The following C22orf42 variants were observed in gnomAD, a reference collection of about 807,000 sequenced individuals.
The protein encoded by C22orf42 is uncharacterized protein C22orf42.
C22orf42 carries 24 observed loss-of-function variants against 31.4 expected under a neutral mutation model. That is an observed-to-expected ratio of 0.77 (90% CI 0.55 to 1.08). The LOEUF (loss-of-function observed/expected upper bound fraction) is 1.08, where lower values mean the gene tolerates loss of function less well. C22orf42 is among the 50% of genes least tolerant of loss of function. The pLI is 0.00. For synonymous variants in C22orf42, 96 were observed against 112.7 expected, an observed-to-expected ratio of 0.85 and a Z score of 0.94; for missense variants, 276 against 327.3, an observed-to-expected ratio of 0.84 and a Z score of 1.21.
At chr22:32,152,433 C>T (rs1921013371) in intron 3 of C22orf42, 129 bp downstream of exon 3, 15 of 798,574 alleles carry the variant, frequency 1.9e-5, no homozygotes, top group East Asian at 1.6e-4. Context: ...CTCCAGTGAC[C>T]GGTCTCTAGA....
Position 32,149,228 on chromosome 22 carries a change from G to A in C22orf42, c.*312C>T, listed in dbSNP as rs2094107683. Reference sequence around the variant, plus strand: ...TTATCCAGGAAATACAGAAATATATGGATTCACTGTAGAAGCTGGACCCAG... The same window carrying A: ...TTATCCAGGAAATACAGAAATATATAGATTCACTGTAGAAGCTGGACCCAG... On this transcript the variant is annotated 3_prime_UTR_variant, in exon 9 of 9. Transcript: ENST00000382097. 1 of 183,528 alleles carries A rather than the reference G, an allele frequency of 5.4e-6. No individual in the cohort carries two copies. Among genetic ancestry groups the A allele is most frequent in the Non-Finnish European group, 1.1e-5 (1 of 87,832 alleles). The allele number at this position is 183,528 out of a possible 1,614,324, so 11.4% of individuals were successfully genotyped here.
Position 32,151,543 on chromosome 22 carries a change from C to T in C22orf42, c.409G>A (p.Glu137Lys). The T allele has an allele frequency of 1.2e-6, 2 of 1,613,810 alleles. No homozygotes were observed. The highest frequency in any genetic ancestry group is 1.7e-6 in the Non-Finnish European group (2 of 1,179,676). Residue 137 changes from glutamate to lysine, a missense_variant, in exon 5 of 9, where the codon GAA becomes AAA. Physicochemically the swap from Glu to Lys is moderately conservative, Grantham distance 56. Transcript: ENST00000382097. Reference sequence around the variant, plus strand: ...CCGTGTGCAGACACCTGCACATCTTCAGTGGGACCTAGGAGAACACAGAGT... The same window carrying T: ...CCGTGTGCAGACACCTGCACATCTTTAGTGGGACCTAGGAGAACACAGAGT... ...PEAKHDHRPT[E>K]DVQVSAHGGV...
At chr22:32,150,626 G>A in intron 6 of C22orf42, 147 bp from the exon 7 acceptor site, 2 of 757,056 alleles carry the variant, frequency 2.6e-6, no homozygotes, top group Admixed American at 2.6e-5. Flanking sequence ...TCTCCTTGGT[G>A]CTGAAGGAAG....
In C22orf42 at chr22:32,149,648, A is replaced by T. The variant is rs541455767; in HGVS notation, c.683-35T>A. 1,282 of 1,338,474 alleles carry T rather than the reference A, an allele frequency of 9.6e-4. 6 individuals carry two copies. The African/African-American group carries it at 0.013, about 13-fold the overall frequency. The allele number at this position is 1,338,474 out of a possible 1,614,324, so 82.9% of individuals were successfully genotyped here. Reference sequence around the variant, plus strand: ...AAGAACAAGACTTCATCTCAAAAAAAAAATATATATATATATATATCTACA... The same window carrying T: ...AAGAACAAGACTTCATCTCAAAAAATAAATATATATATATATATATCTACA... On this transcript the variant is annotated intron_variant, in intron 8 of 8. Coordinates refer to ENST00000382097, the MANE Select transcript of C22orf42 (RefSeq NM_001010859.3).
At chr22:32,157,966 C>A (rs1014748565) in intron 1 of C22orf42, among the ~76,000 whole-genome samples, 3 of 152,336 alleles carry the variant, frequency 2.0e-5, no homozygotes, top group African/African-American at 7.2e-5. Context: ...TGCAGGGGGG[C>A]GGGGGTTGTT....
chr22:32,151,367 G>A, intron 5 of C22orf42, 120 bp downstream of exon 5: 1 of 1,015,646 alleles, frequency 9.8e-7, no homozygotes, highest in Non-Finnish European at 1.5e-6. Flanking sequence ...CCGGTCGCTA[G>A]AGTCCATGAC....
intron 1 of C22orf42, 23 bp downstream of exon 1, chr22:32,158,961 A>T: frequency 1.9e-6 from 3 of 1,613,808 alleles, no homozygotes; most frequent in Non-Finnish European, 2.5e-6. Flanking sequence ...CCAGAGAGCA[A>T]ATGGCACCCA....
At chr22:32,158,598 T>A (rs1419320957) in intron 1 of C22orf42, among the ~76,000 whole-genome samples, 2 of 152,156 alleles carry the variant, frequency 1.3e-5, no homozygotes, top group Non-Finnish European at 2.9e-5. Flanking sequence ...CATATTTGAG[T>A]CTAAATTATC....
At chr22:32,153,122 G>A (rs1279928540) in intron 2 of C22orf42, among the ~76,000 whole-genome samples, 1 of 152,128 alleles carries the variant, frequency 6.6e-6, no homozygotes. Context: ...TACATTCAGG[G>A]TGCTGTGTCA....
Position 32,152,761 on chromosome 22 carries a change from C to T in C22orf42, c.308-135G>A. Reference sequence around the variant, plus strand: ...AGGCATGGACTGAGCTGCTGCTGGACCATTCTCCTTGGTGTTGAGGGAAGG... The same window carrying T: ...AGGCATGGACTGAGCTGCTGCTGGATCATTCTCCTTGGTGTTGAGGGAAGG... On this transcript the variant is annotated intron_variant, in intron 2 of 8. Coordinates refer to ENST00000382097, the MANE Select transcript of C22orf42 (RefSeq NM_001010859.3). The T allele has an allele frequency of 1.0e-5, 8 of 795,580 alleles. No individual in the cohort carries two copies. The South Asian group carries it at 1.2e-4, about 11-fold the overall frequency. The allele number at this position is 795,580 out of a possible 1,614,324, so 49.3% of individuals were successfully genotyped here.
intron 2 of C22orf42, among the ~76,000 whole-genome samples, chr22:32,152,927 T>C (rs1172305896): frequency 6.6e-6 from 1 of 152,182 alleles, no homozygotes; most frequent in Non-Finnish European, 1.5e-5. Context: ...TCCTCCCCAT[T>C]TGAAGGTCCA....
intron 5 of C22orf42, 108 bp from the exon 6 acceptor site, chr22:32,151,127 C>T: frequency 8.6e-7 from 1 of 1,156,440 alleles, no homozygotes. Flanking sequence ...GGATGTGAAA[C>T]AGTGATCAAG....
intron 4 of C22orf42, among the ~76,000 whole-genome samples, 166 bp from the exon 5 acceptor site, chr22:32,151,717 G>A (rs1218403963): frequency 2.6e-5 from 4 of 152,264 alleles, no homozygotes; most frequent in Middle Eastern, 3.4e-3. Context: ...GAAGGCAAAG[G>A]AGAAGGGTAG....
At chr22:32,158,411 C>T (rs1005847026) in intron 1 of C22orf42, among the ~76,000 whole-genome samples, 3 of 152,234 alleles carry the variant, frequency 2.0e-5, no homozygotes, top group Non-Finnish European at 2.9e-5. Context: ...CTGGCACTAA[C>T]ATTTCATACC....
Position 32,152,066 on chromosome 22 carries a change from C to T in C22orf42, c.400+1G>A, listed in dbSNP as rs139618788. On this transcript the variant is annotated splice_donor_variant, in intron 4 of 8. Coordinates refer to ENST00000382097, the MANE Select transcript of C22orf42 (RefSeq NM_001010859.3). LOFTEE classifies it high-confidence loss of function. ...AAGCTGTTTAAAAAAAAAATACGTACGGTGGTCGTGCTTGGCCTCAGGTAT... is the reference window on the plus strand; with the variant it reads ...AAGCTGTTTAAAAAAAAAATACGTATGGTGGTCGTGCTTGGCCTCAGGTAT... 7.2e-5 allele frequency: 116 copies of T among 1,603,462 alleles called. No homozygotes were observed. Among genetic ancestry groups the T allele is most frequent in the East Asian group, 2.0e-4 (9 of 44,830 alleles).
intron 7 of C22orf42, 157 bp from the exon 8 acceptor site, chr22:32,149,937 G>A (rs1206406671): frequency 3.5e-6 from 2 of 567,290 alleles, no homozygotes; most frequent in African/African-American, 3.7e-5. Context: ...GTGTGGAAAA[G>A]GCAATGGGTT....
intron 1 of C22orf42, among the ~76,000 whole-genome samples, chr22:32,154,897 A>T (rs372438807): frequency 1.2e-4 from 19 of 152,298 alleles, no homozygotes; most frequent in African/African-American, 4.3e-4. Flanking sequence ...CGGGCAGGGG[A>T]GGGTGGAAGG....
At chr22:32,150,960 G>C (rs1417488536) in intron 6 of C22orf42, 32 bp downstream of exon 6, 3 of 1,597,688 alleles carry the variant, frequency 1.9e-6, no homozygotes, top group Non-Finnish European at 1.7e-6. Flanking sequence ...TCAACTACAC[G>C]TAAATAAAGC....
Position 32,150,465 on chromosome 22 carries a change from G to A in C22orf42, c.508C>T (p.Leu170Phe). The change falls in exon 7 of 9, where the codon CTC becomes TTC. Residue 170 changes from leucine (L) to phenylalanine (F), a missense_variant. By Grantham distance (22) the Leu-to-Phe change is conservative. Coordinates refer to ENST00000382097, the MANE Select transcript of C22orf42 (RefSeq NM_001010859.3). ...AGACAGACAGATAGGCTTTCACTGA[G>A]ATCTTCGACCAAATCTAGGAGAACA... ...AKHDHHLVED[L>F]SESLSVCLED... 6.2e-7 allele frequency: 1 copy of A among 1,614,170 alleles called. No homozygotes were observed. The highest frequency in any genetic ancestry group is 8.5e-7 in the Non-Finnish European group (1 of 1,180,036).
Sources: allele counts gnomAD v4.1 joint callset (sites outside exome capture counted in the v4.1 genomes callset), GRCh38; gene constraint gnomAD v4.1.1; transcripts MANE v1.5; gene names NCBI Gene and HGNC (gene_info 2026-07-23, HGNC 2026-07-21).